The following DACH1 variants were observed in gnomAD, a reference collection of about 807,000 sequenced individuals.
DACH1 encodes the protein dachshund homolog 1.
Under a neutral mutation model 54.2 loss-of-function variants are expected in DACH1, and 12 were observed. The ratio of observed to expected loss-of-function variants is 0.22; its 90% CI spans 0.14 to 0.36. The LOEUF is 0.36. Among genes scored for constraint, DACH1 ranks in the 10% least tolerant of loss-of-function variants. The pLI is 1.00. For missense variants in DACH1, 805 were observed against 929.8 expected, an observed-to-expected ratio of 0.87 and a Z score of 1.75; for synonymous variants, 386 against 366.2, an observed-to-expected ratio of 1.05 and a Z score of -0.62.
chr13:71,718,600 C>A (rs1324851953), intron 1 of DACH1, among the ~76,000 whole-genome samples: 4 of 147,994 alleles, frequency 2.7e-5, no homozygotes, highest in East Asian at 2.0e-4. Flanking sequence ...AAATAGAAAT[C>A]TCTTTCTCCC....
At position 71,761,716 on chromosome 13, in the gene DACH1, G is replaced by A. The variant is rs138302701; in HGVS notation, c.849-79806C>T. Among the ~76,000 whole-genome samples the A allele has an allele frequency of 3.7e-3, 561 of 152,194 alleles. 1 individual carries two copies. Among genetic ancestry groups the A allele is most frequent in the African/African-American group, 0.013 (538 of 41,538 alleles). Reference sequence around the variant, plus strand: ...GGATGCTAACATTTTTAAGTCACTGGTGATGCTGATTCTGCCGGTCCTGGA... The same window carrying A: ...GGATGCTAACATTTTTAAGTCACTGATGATGCTGATTCTGCCGGTCCTGGA... On this transcript the variant is annotated intron_variant, in intron 1 of 10. Transcript: ENST00000613252.
At chr13:71,477,518 C>T in intron 8 of DACH1, among the ~76,000 whole-genome samples, 1 of 152,078 alleles carries the variant, frequency 6.6e-6, no homozygotes, top group East Asian at 1.9e-4. Context: ...AAAATGTACA[C>T]TGGCTATGGT....
At chr13:71,665,963 A>G (rs1209737506) in intron 2 of DACH1, among the ~76,000 whole-genome samples, 1 of 152,148 alleles carries the variant, frequency 6.6e-6, no homozygotes, top group East Asian at 1.9e-4. Flanking sequence ...CACGAGAAAT[A>G]AATGAAATGA....
At chr13:71,532,075 A>T (rs1050761720) in intron 6 of DACH1, among the ~76,000 whole-genome samples, 7 of 152,070 alleles carry the variant, frequency 4.6e-5, no homozygotes, top group Non-Finnish European at 8.8e-5. Context: ...TAAGCTAATG[A>T]TATTAGTGAA....
At chr13:71,599,659 T>G (rs1874352758) in intron 3 of DACH1, among the ~76,000 whole-genome samples, 1 of 152,112 alleles carries the variant, frequency 6.6e-6, no homozygotes, top group Admixed American at 6.6e-5. Flanking sequence ...ATAAACCTCC[T>G]TACTTTCTGT....
Position 71,574,426 on chromosome 13 carries a change from C to T in DACH1, c.1127-1414G>A, listed in dbSNP as rs528738059. On this transcript the variant is annotated intron_variant, in intron 3 of 10. Transcript: ENST00000613252. ...TTTTTTATTTCTTAAAAAAAGAAAC[C>T]ATATTTTCATATAATATGCATAGAA... Among the ~76,000 whole-genome samples the T allele has an allele frequency of 5.9e-5, 9 of 152,008 alleles. No homozygotes were observed. The South Asian group carries it at 1.7e-3, about 28-fold the overall frequency.
At chr13:71,553,076 G>A (rs1335192772) in intron 6 of DACH1, among the ~76,000 whole-genome samples, 2 of 146,658 alleles carry the variant, frequency 1.4e-5, no homozygotes, top group Non-Finnish European at 3.0e-5. Flanking sequence ...ATATATATAT[G>A]TGGGATTAGA....
chr13:71,449,407 T>C (rs1874803130), intron 10 of DACH1, among the ~76,000 whole-genome samples: 1 of 151,660 alleles, frequency 6.6e-6, no homozygotes, highest in South Asian at 2.1e-4. Context: ...GAAATCAGAG[T>C]AGATAATGTG....
At chr13:71,821,534 A>C (rs1323785538) in intron 1 of DACH1, among the ~76,000 whole-genome samples, 2 of 152,042 alleles carry the variant, frequency 1.3e-5, no homozygotes, top group Non-Finnish European at 2.9e-5. Flanking sequence ...TTTTCTTCAA[A>C]ATATTCAGTT....
chr13:71,585,209 TAAAC>T (rs754464257), intron 3 of DACH1, among the ~76,000 whole-genome samples: 67 of 122,706 alleles, frequency 5.5e-4, no homozygotes, highest in Non-Finnish European at 3.3e-4. Flanking sequence ...GTTGAAAAAA[TAAAC>T]AAATAAATAA....
At chr13:71,505,646 A>G (rs1468609861) in intron 6 of DACH1, among the ~76,000 whole-genome samples, 1 of 152,164 alleles carries the variant, frequency 6.6e-6, no homozygotes, top group Non-Finnish European at 1.5e-5. Context: ...TCAATTATTA[A>G]TTTACCTTAA....
At chr13:71,622,352 A>AT (rs1876310462) in intron 3 of DACH1, among the ~76,000 whole-genome samples, 1 of 151,990 alleles carries the variant, frequency 6.6e-6, no homozygotes, top group South Asian at 2.1e-4. Flanking sequence ...CTAAACATAT[A>AT]TTTTTAATAT....
In DACH1 at chr13:71,693,296, C is replaced by CTTTTTTTTTTTT. The variant is rs869289138; in HGVS notation, c.849-11398_849-11387dup. On this transcript the variant is annotated intron_variant, in intron 1 of 10. Transcript: ENST00000613252. ...AATACCCTCTTATCCATTTGTTTTG[C>CTTTTTTTTTTTT]TTTTTTTTTTTTTTTTTTTTTTTGA... 1.4e-3 allele frequency among the ~76,000 whole-genome samples: 127 copies of CTTTTTTTTTTTT among 90,952 alleles called. 7 individuals carry two copies. Among genetic ancestry groups the CTTTTTTTTTTTT allele is most frequent in the African/African-American group, 2.5e-3 (48 of 19,414 alleles). The allele number at this position is 90,952 out of a possible 152,430, so 59.7% of individuals were successfully genotyped here.
intron 3 of DACH1, among the ~76,000 whole-genome samples, chr13:71,595,548 G>A (rs1202894116): frequency 2.6e-5 from 4 of 152,110 alleles, no homozygotes; most frequent in Admixed American, 6.6e-5. Flanking sequence ...ATAACAGAGG[G>A]AAGAATCAGA....
intron 10 of DACH1, among the ~76,000 whole-genome samples, chr13:71,462,114 T>C (rs1876130247): frequency 1.3e-5 from 2 of 151,872 alleles, no homozygotes; most frequent in South Asian, 4.1e-4. Flanking sequence ...GTTTTATAGG[T>C]GTAATTAGTA....
At chr13:71,615,816 T>C (rs984602828) in intron 3 of DACH1, among the ~76,000 whole-genome samples, 1 of 152,188 alleles carries the variant, frequency 6.6e-6, no homozygotes, top group African/African-American at 2.4e-5. Flanking sequence ...TTAGAAGACA[T>C]CTATGAATGT....
intron 2 of DACH1, among the ~76,000 whole-genome samples, chr13:71,653,212 C>T (rs1206796058): frequency 6.6e-6 from 1 of 152,146 alleles, no homozygotes; most frequent in Non-Finnish European, 1.5e-5. Flanking sequence ...ATAAACCCCG[C>T]CCCTAAATCC....
intron 6 of DACH1, among the ~76,000 whole-genome samples, chr13:71,490,251 T>A (rs1352420854): frequency 1.3e-5 from 2 of 152,150 alleles, no homozygotes; most frequent in East Asian, 3.8e-4. Context: ...CCTCAATCAT[T>A]CTTTTATTTT....
At chr13:71,794,071 A>G (rs1247972144) in intron 1 of DACH1, among the ~76,000 whole-genome samples, 1 of 152,024 alleles carries the variant, frequency 6.6e-6, no homozygotes, top group Non-Finnish European at 1.5e-5. Flanking sequence ...TTCCTTAAAA[A>G]AAAAGGTATA....
Sources: gnomAD v4.1 joint callset for allele counts (sites outside exome capture counted in the v4.1 genomes callset) on GRCh38, gnomAD v4.1.1 for gene constraint, MANE v1.5 for transcripts, NCBI Gene and HGNC (gene_info 2026-07-23, HGNC 2026-07-21) for gene names.